Variants in TMEM131L observed in about 807,000 individuals in gnomAD.
The protein encoded by TMEM131L is transmembrane protein 131-like.
Under a neutral mutation model 192.2 loss-of-function variants are expected in TMEM131L, and 54 were observed. That is an observed-to-expected ratio of 0.28 (90% CI 0.23 to 0.35). The LOEUF (loss-of-function observed/expected upper bound fraction) is 0.35. Among genes scored for constraint, TMEM131L ranks in the 10% least tolerant of loss-of-function variants. TMEM131L has a pLI of 1.00. For synonymous variants in TMEM131L, 701 were observed against 704.9 expected, an observed-to-expected ratio of 0.99 and a Z score of 0.09; for missense variants, 1,888 against 1,972.9, an observed-to-expected ratio of 0.96 and a Z score of 0.82.
At position 153,625,907 on chromosome 4, in the gene TMEM131L, C is replaced by CA. The variant is rs201045651; in HGVS notation, c.4046-232dup. Among the ~76,000 whole-genome samples, 1,323 of 150,624 alleles carry CA rather than the reference C, an allele frequency of 8.8e-3. 7 individuals are homozygous for CA. Among genetic ancestry groups the CA allele is most frequent in the Middle Eastern group, 0.041 (12 of 292 alleles). Reference sequence around the variant, plus strand: ...TGGGCAACAGAGTGAGACTCTGTCTCAAAAAAAACAAAACAACAACAACAA... The same window carrying CA: ...TGGGCAACAGAGTGAGACTCTGTCTCAAAAAAAAACAAAACAACAACAACAA... On this transcript the variant is annotated intron_variant, in intron 29 of 34. Transcript: ENST00000409959.
intron 3 of TMEM131L, among the ~76,000 whole-genome samples, chr4:153,488,337 A>G (rs1052515831): frequency 6.6e-6 from 1 of 152,232 alleles, no homozygotes; most frequent in Non-Finnish European, 1.5e-5. Context: ...CGGAAGCAGC[A>G]CGGGGCACTG....
In TMEM131L at chr4:153,542,886, C is replaced by T. The variant is rs533464209; in HGVS notation, c.240-7187C>T. On this transcript the variant is annotated intron_variant, in intron 3 of 34. Transcript: ENST00000409959. Reference sequence around the variant, plus strand: ...GCAACTGTGGGGTTAGTCTGACAGACGCAATGTCTCCTCCTTGGATAGTGT... The same window carrying T: ...GCAACTGTGGGGTTAGTCTGACAGATGCAATGTCTCCTCCTTGGATAGTGT... Among the ~76,000 whole-genome samples, 5 of 152,234 alleles carry T rather than the reference C, an allele frequency of 3.3e-5. No homozygotes were observed. In the East Asian group the frequency reaches 7.7e-4, roughly 23 times the overall value.
At chr4:153,568,441 T>G (rs1729369025) in intron 7 of TMEM131L, among the ~76,000 whole-genome samples, 1 of 152,216 alleles carries the variant, frequency 6.6e-6, no homozygotes, top group Non-Finnish European at 1.5e-5. Context: ...TTTTATTTTT[T>G]TGCCTCCCAG....
At chr4:153,565,623 T>C (rs1402464228) in intron 7 of TMEM131L, among the ~76,000 whole-genome samples, 1 of 152,194 alleles carries the variant, frequency 6.6e-6, no homozygotes, top group East Asian at 1.9e-4. Flanking sequence ...GCTTTAGTAA[T>C]CCATGATCCA....
chr4:153,479,968 T>C lies in TMEM131L; in HGVS notation c.239+6080T>C, dbSNP rs1490975429. Among the ~76,000 whole-genome samples, 3 of 152,232 alleles carry C rather than the reference T, an allele frequency of 2.0e-5. 1 individual carries two copies. The highest frequency in any genetic ancestry group is 7.2e-5 in the African/African-American group (3 of 41,462). On this transcript the variant is annotated intron_variant, in intron 3 of 34. Coordinates refer to ENST00000409959, the MANE Select transcript of TMEM131L (RefSeq NM_001131007.2). Reference sequence around the variant, plus strand: ...GCTCATGCCTGTAATCCCAGGACTGTGGGAGGCCAAGGCGGGCGGATCACC... The same window carrying C: ...GCTCATGCCTGTAATCCCAGGACTGCGGGAGGCCAAGGCGGGCGGATCACC...
chr4:153,578,377 C>T (rs1046622549), intron 7 of TMEM131L, among the ~76,000 whole-genome samples: 9 of 151,908 alleles, frequency 5.9e-5, no homozygotes, highest in East Asian at 3.9e-4. Flanking sequence ...TTTTTTGAGA[C>T]GGAGTTTCAC....
rs530074682 is a variant in TMEM131L at position 153,477,052 on chromosome 4, T to C, written c.239+3164T>C. On this transcript the variant is annotated intron_variant, in intron 3 of 34. Coordinates refer to ENST00000409959, the MANE Select transcript of TMEM131L (RefSeq NM_001131007.2). Reference sequence around the variant, plus strand: ...TGATATCAGGGTAGGGGGTTGAAAGTGGATGGAGGGAAATGGAACATTTTG... The same window carrying C: ...TGATATCAGGGTAGGGGGTTGAAAGCGGATGGAGGGAAATGGAACATTTTG... Among the ~76,000 whole-genome samples, 8 of 152,066 alleles carry C rather than the reference T, an allele frequency of 5.3e-5. No homozygotes were observed. The South Asian group carries it at 1.7e-3, about 32-fold the overall frequency.
chr4:153,517,556 A>G (rs919731911), intron 3 of TMEM131L, among the ~76,000 whole-genome samples: 1 of 152,156 alleles, frequency 6.6e-6, no homozygotes, highest in South Asian at 2.1e-4. Flanking sequence ...TGCCTGGGAC[A>G]TTAGGTGTCG....
chr4:153,614,421 G>T (rs9992694), intron 26 of TMEM131L, among the ~76,000 whole-genome samples: 14,615 of 152,200 alleles, frequency 0.096, 1,473 homozygotes, highest in African/African-American at 0.24. Context: ...AGCACATTTG[G>T]CCAAACAAAA....
intron 3 of TMEM131L, among the ~76,000 whole-genome samples, chr4:153,543,793 A>G (rs1368132044): frequency 6.6e-6 from 1 of 152,236 alleles, no homozygotes; most frequent in Non-Finnish European, 1.5e-5. Flanking sequence ...AAGGAGATTA[A>G]TGCAGGGATT....
chr4:153,545,618 A>G (rs898508752), intron 3 of TMEM131L, among the ~76,000 whole-genome samples: 4 of 152,122 alleles, frequency 2.6e-5, no homozygotes, highest in Non-Finnish European at 5.9e-5. Context: ...GTCTGTAGAA[A>G]AAAATGTGGC....
intron 3 of TMEM131L, among the ~76,000 whole-genome samples, chr4:153,526,528 A>C (rs1735498255): frequency 6.6e-6 from 1 of 151,760 alleles, no homozygotes; most frequent in Non-Finnish European, 1.5e-5. Context: ...AGGTCAGGAG[A>C]TTGAGACCAT....
intron 7 of TMEM131L, among the ~76,000 whole-genome samples, chr4:153,570,267 C>T (rs1449164663): frequency 6.6e-6 from 1 of 152,206 alleles, no homozygotes; most frequent in East Asian, 1.9e-4. Context: ...CTTCCCAGCC[C>T]TCCAAGCACT....
At chr4:153,608,892 G>C (rs1387504230) in intron 25 of TMEM131L, among the ~76,000 whole-genome samples, 1 of 152,120 alleles carries the variant, frequency 6.6e-6, no homozygotes, top group Non-Finnish European at 1.5e-5. Context: ...CATACTTAAT[G>C]TATGCATCTT....
rs765811285 is a variant in TMEM131L at position 153,621,773 on chromosome 4, A to G, written c.3783A>G (p.Ile1261Met). ...ACATCAATGTAAGAAGCTGGTGTATACAGGAAAGCACTAGGGAGGTTTGTA... is the reference window on the plus strand; with the variant it reads ...ACATCAATGTAAGAAGCTGGTGTATGCAGGAAAGCACTAGGGAGGTTTGTA... ...SSDINVRSWC[I>M]QESTREVCKA... Residue 1261 changes from isoleucine to methionine, a missense_variant, in exon 28 of 35, where the codon ATA becomes ATG. Coordinates refer to ENST00000409959, the MANE Select transcript of TMEM131L (RefSeq NM_001131007.2). 5 of 1,614,190 alleles carry G rather than the reference A, an allele frequency of 3.1e-6. No homozygotes were observed. The highest frequency in any genetic ancestry group is 4.2e-6 in the Non-Finnish European group (5 of 1,180,030).
At chr4:153,472,703 G>A (rs1483494680) in intron 2 of TMEM131L, among the ~76,000 whole-genome samples, 2 of 152,158 alleles carry the variant, frequency 1.3e-5, no homozygotes, top group East Asian at 3.8e-4. Context: ...GTTTTAAGAG[G>A]TCAAAGTGTA....
intron 25 of TMEM131L, among the ~76,000 whole-genome samples, chr4:153,605,274 T>A (rs1420159051): frequency 6.6e-6 from 1 of 152,260 alleles, no homozygotes; most frequent in Admixed American, 6.5e-5. Context: ...TAGATCCCTT[T>A]GGCCTCTAGC....
At chr4:153,550,225 T>C in intron 4 of TMEM131L, 84 bp downstream of exon 4, 1 of 555,870 alleles carries the variant, frequency 1.8e-6, no homozygotes, top group Admixed American at 3.8e-5. Context: ...TGTACAATGT[T>C]AAATTTTAGG....
rs115370587 is a variant in TMEM131L, at chr4:153,587,446, C to T, written c.1483-296C>T. On this transcript the variant is annotated intron_variant, in intron 14 of 34. Coordinates refer to ENST00000409959, the MANE Select transcript of TMEM131L (RefSeq NM_001131007.2). ...TCACTCTGTTGCCCAGGCTTCAGTG[C>T]AGCCATGTGATCATAATCTTTATTT... is the stretch of plus-strand genomic sequence containing the variant. 7.6e-3 allele frequency among the ~76,000 whole-genome samples: 1,155 copies of T among 151,826 alleles called. 8 individuals are homozygous for T. The highest frequency in any genetic ancestry group is 0.026 in the African/African-American group (1,071 of 41,338).
Sources: allele counts gnomAD v4.1 joint callset (sites outside exome capture counted in the v4.1 genomes callset), GRCh38; gene constraint gnomAD v4.1.1; transcripts MANE v1.5; gene names NCBI Gene and HGNC (gene_info 2026-07-23, HGNC 2026-07-21).